The following TRAK1 variants were observed in gnomAD, a reference collection of about 807,000 sequenced individuals.
TRAK1 encodes trafficking kinesin protein 1.
A neutral mutation model predicts 92.1 loss-of-function variants in TRAK1; 33 were observed. That is an observed-to-expected ratio of 0.36 (90% confidence interval 0.27 to 0.48). TRAK1 has a LOEUF of 0.48. TRAK1 is among the 20% of genes least tolerant of loss of function. The pLI is 0.99. For missense variants in TRAK1, 1,123 were observed against 1,257.9 expected, an observed-to-expected ratio of 0.89 and a Z score of 1.62; for synonymous variants, 521 against 517.3, an observed-to-expected ratio of 1.01 and a Z score of -0.10.
chr3:42,194,130 G>A (rs1248608307), intron 9 of TRAK1, among the ~76,000 whole-genome samples: 8 of 152,206 alleles, frequency 5.3e-5, no homozygotes, highest in Admixed American at 2.6e-4. Flanking sequence ...AGCCTGGCAC[G>A]TGCAGGTGTC....
rs1707174938 is a variant in TRAK1, at chr3:42,199,175, A to G, written c.1114-2A>G. ...GACATTTGTCTTTCTGGCTTTTCCC[A>G]GGATTCCTTGGCAGCAGAGATTGAG... On this transcript the variant is annotated splice_acceptor_variant, in intron 10 of 15. Coordinates refer to ENST00000327628, the MANE Select transcript of TRAK1 (RefSeq NM_001042646.3). LOFTEE classifies it high-confidence loss of function. The G allele has an allele frequency of 6.2e-7, 1 of 1,613,292 alleles. No homozygotes were observed. The highest frequency in any genetic ancestry group is 1.1e-5 in the South Asian group (1 of 91,038).
intron 14 of TRAK1, chr3:42,212,110 G>A: frequency 1.0e-6 from 1 of 985,370 alleles, no homozygotes; most frequent in Non-Finnish European, 1.2e-6. Context: ...AATGTAAAAA[G>A]CATATCGCTA....
intron 1 of TRAK1, among the ~76,000 whole-genome samples, chr3:42,033,892 C>T (rs1702235350): frequency 6.6e-6 from 1 of 152,168 alleles, no homozygotes; most frequent in Admixed American, 6.6e-5. Context: ...TCATCTTCCC[C>T]TGACATACCG....
At chr3:42,149,591 G>T (rs1388244119) in intron 2 of TRAK1, 1 of 1,535,958 alleles carries the variant, frequency 6.5e-7, no homozygotes, top group East Asian at 2.4e-5. Context: ...TATGAAGAAT[G>T]CTCGGATGGT....
At chr3:42,213,096 T>C (rs913535251) in intron 14 of TRAK1, among the ~76,000 whole-genome samples, 1 of 149,360 alleles carries the variant, frequency 6.7e-6, no homozygotes, top group Admixed American at 6.8e-5. Flanking sequence ...TCTTGCTCTG[T>C]TGCCTAGGCT....
chr3:42,053,381 G>C (rs1478039236), intron 1 of TRAK1, among the ~76,000 whole-genome samples: 2 of 143,784 alleles, frequency 1.4e-5, no homozygotes, highest in African/African-American at 2.5e-5. Context: ...CGGGTGGGGG[G>C]GGGGGGCGGG....
At chr3:42,184,931 A>G in intron 4 of TRAK1, 130 bp downstream of exon 4, 1 of 825,928 alleles carries the variant, frequency 1.2e-6, no homozygotes, top group East Asian at 2.5e-5. Context: ...CCGCGGCCTG[A>G]GCCCAGAACT....
rs532824392 is a variant in TRAK1 at position 42,099,601 on chromosome 3, G to A, written c.91+8041G>A. Among the ~76,000 whole-genome samples the A allele has an allele frequency of 4.6e-5, 7 of 152,316 alleles. 1 individual carries two copies. The South Asian group carries it at 8.3e-4, about 18-fold the overall frequency. On this transcript the variant is annotated intron_variant, in intron 1 of 15. Coordinates refer to ENST00000327628, the MANE Select transcript of TRAK1 (RefSeq NM_001042646.3). ...GGCCCCTCCTTCAAACCCCAGCCAC[G>A]CAGAGAGGGAGAGTCATGCTGAGGG...
chr3:42,114,538 A>G (rs924844705), intron 1 of TRAK1, among the ~76,000 whole-genome samples: 5 of 152,192 alleles, frequency 3.3e-5, no homozygotes, highest in Admixed American at 6.5e-5. Flanking sequence ...TTGGTTCTCT[A>G]AACATACTGT....
rs566897239 is a variant in TRAK1, at chr3:42,218,531, A to T, written c.1964-963A>T. 66 of 980,516 alleles carry T rather than the reference A, an allele frequency of 6.7e-5. No individual in the cohort carries two copies. The East Asian group carries it at 2.5e-3, about 37-fold the overall frequency. 60.7% of individuals were successfully genotyped at this position (980,516 alleles called of 1,614,324 possible). ...CATCTTTTTTTTTTATTTTATTATTATTTTTTTTCCTGATGCTTGAGTTAT... is the reference window on the plus strand; with the variant it reads ...CATCTTTTTTTTTTATTTTATTATTTTTTTTTTTCCTGATGCTTGAGTTAT... On this transcript the variant is annotated intron_variant, in intron 14 of 15. Coordinates refer to ENST00000327628, the MANE Select transcript of TRAK1 (RefSeq NM_001042646.3).
chr3:42,047,478 C>T lies in TRAK1; in HGVS notation c.-519+33361C>T, dbSNP rs115245754. ...CCTTAGCCTCCCAGTGTTGGGATTA[C>T]AGGCGTAAGCCACCACATCTGGCCA... On this transcript the variant is annotated intron_variant, in intron 1 of 16. Coordinates refer to the TRAK1 transcript ENST00000487159. 5.0e-3 allele frequency among the ~76,000 whole-genome samples: 766 copies of T among 152,044 alleles called. 1 individual carries two copies. The highest frequency in any genetic ancestry group is 9.0e-3 in the Non-Finnish European group (615 of 67,972).
chr3:42,013,498 T>C (rs1576067410), upstream of TRAK1, among the ~76,000 whole-genome samples: 1 of 146,866 alleles, frequency 6.8e-6, no homozygotes, highest in Non-Finnish European at 1.5e-5. The surrounding 1 kb of genome is among the most constrained non-coding windows in gnomAD (Gnocchi z 5.1). Context: ...GGGGCGCGGC[T>C]CCAGGCGACT....
At chr3:42,079,732 C>T (rs1055647684) in intron 1 of TRAK1, among the ~76,000 whole-genome samples, 6 of 152,016 alleles carry the variant, frequency 3.9e-5, no homozygotes, top group African/African-American at 1.2e-4. Context: ...CCGCCCTCCT[C>T]GGCCTCCTAA....
At chr3:42,171,127 T>G (rs1440873759) in intron 2 of TRAK1, among the ~76,000 whole-genome samples, 1 of 152,208 alleles carries the variant, frequency 6.6e-6, no homozygotes, top group African/African-American at 2.4e-5. Context: ...GAATATCTTT[T>G]CTACCCGTTG....
chr3:42,030,974 G>A lies in TRAK1; in HGVS notation c.-519+16857G>A, dbSNP rs959668528. Among the ~76,000 whole-genome samples, 10 of 151,302 alleles carry A rather than the reference G, an allele frequency of 6.6e-5. No homozygotes were observed. In the East Asian group the frequency reaches 2.0e-3, roughly 30 times the overall value. On this transcript the variant is annotated intron_variant, in intron 1 of 16. Transcript: ENST00000487159. Reference sequence around the variant, plus strand: ...GTAACGATTGAACAGAGTACAAAGAGAAAACGGAACAATGTGCTCAGAGCA... The same window carrying A: ...GTAACGATTGAACAGAGTACAAAGAAAAAACGGAACAATGTGCTCAGAGCA...
At chr3:42,085,861 T>A (rs1333874806), upstream of TRAK1, among the ~76,000 whole-genome samples, 1 of 152,178 alleles carries the variant, frequency 6.6e-6, no homozygotes. Context: ...ATATGAAAGT[T>A]CCATTAATTA....
intron 2 of TRAK1, among the ~76,000 whole-genome samples, chr3:42,149,998 A>G (rs1699776456): frequency 1.3e-5 from 2 of 152,110 alleles, no homozygotes; most frequent in African/African-American, 4.8e-5. Flanking sequence ...GGCTTGGAAT[A>G]GTGTGTTCAG....
chr3:42,058,221 T>C (rs1703277020), intron 1 of TRAK1, among the ~76,000 whole-genome samples: 2 of 152,242 alleles, frequency 1.3e-5, no homozygotes, highest in African/African-American at 2.4e-5. Context: ...GTTGTGGAGA[T>C]TGACGAAGAC....
At chr3:42,046,285 A>G (rs1057383752) in intron 1 of TRAK1, among the ~76,000 whole-genome samples, 1 of 151,954 alleles carries the variant, frequency 6.6e-6, no homozygotes, top group African/African-American at 2.4e-5. Context: ...TGACTGAGCA[A>G]CCTTTGCAAT....
Sources: allele counts gnomAD v4.1 joint callset (sites outside exome capture counted in the v4.1 genomes callset), GRCh38; gene constraint gnomAD v4.1.1; non-coding constraint Gnocchi (gnomAD v3.1); transcripts MANE v1.5; gene names NCBI Gene and HGNC (gene_info 2026-07-23, HGNC 2026-07-21).